Variants in SLC17A1 observed in about 807,000 individuals in gnomAD.
SLC17A1 encodes the protein solute carrier family 17 member 1.
A neutral mutation model predicts 53.5 loss-of-function variants in SLC17A1; 51 were observed. The ratio of observed to expected loss-of-function variants is 0.95; its 90% CI spans 0.76 to 1.20. SLC17A1 has a LOEUF of 1.20. SLC17A1 is among the 50% of genes most tolerant of loss of function. The pLI, the probability that SLC17A1 is intolerant of heterozygous loss-of-function variation, is 0.00. For synonymous variants in SLC17A1, 179 were observed against 198.8 expected (o/e 0.90, Z 0.84); for missense variants, 538 against 568.2 (o/e 0.95, Z 0.54).
At chr6:25,739,195 C>T in the SLC17A1 span, among the ~76,000 whole-genome samples, 1 of 152,186 alleles carries the variant, frequency 6.6e-6, no homozygotes, top group East Asian at 1.9e-4. Flanking sequence ...CAGATCTGAT[C>T]TCTAGTGAGG....
chr6:25,726,407 C>A, the SLC17A1 span: 1 of 1,614,212 alleles, frequency 6.2e-7, no homozygotes. Flanking sequence ...ATCCGCTCTG[C>A]ATAGTTTCCC....
rs572627898 is a variant in SLC17A1 at position 25,805,660 on chromosome 6, A to G, written c.1179-4680T>C. On this transcript the variant is annotated intron_variant, in intron 10 of 12. Coordinates refer to ENST00000244527, the MANE Select transcript of SLC17A1 (RefSeq NM_005074.5). ...AAAGAGGAGAGAAGATTCAAATAAA[A>G]CACAATTAGAAATGAAATTGGAGAC... 2.6e-5 allele frequency among the ~76,000 whole-genome samples: 4 copies of G among 152,136 alleles called. No individual in the cohort carries two copies. The South Asian group carries it at 8.3e-4, about 32-fold the overall frequency.
the SLC17A1 span, among the ~76,000 whole-genome samples, chr6:25,748,564 C>T: frequency 6.6e-6 from 1 of 152,156 alleles, no homozygotes; most frequent in East Asian, 1.9e-4. Context: ...ATAAGACACA[C>T]AGACAAAGTA....
At chr6:25,786,495 G>A (rs1011465050) in intron 12 of SLC17A1, among the ~76,000 whole-genome samples, 1 of 152,162 alleles carries the variant, frequency 6.6e-6, no homozygotes, top group African/African-American at 2.4e-5. Flanking sequence ...TTAGATGCAG[G>A]TCACAGAGGA....
Position 25,787,068 on chromosome 6 carries a change from A to ATAAG in SLC17A1, c.*3-3851_*3-3850insCTTA, listed in dbSNP as rs1186960558. Among the ~76,000 whole-genome samples, 18 of 151,690 alleles carry ATAAG rather than the reference A, an allele frequency of 1.2e-4. 1 individual carries two copies. In the South Asian group the frequency reaches 3.8e-3, roughly 32 times the overall value. ...AATAAATAAATAAATAAATAAATAA[A>ATAAG]TAAATAAGAGTGTGGGGTATAGTGG... is the stretch of plus-strand genomic sequence containing the variant. On this transcript the variant is annotated intron_variant, in intron 12 of 12. Transcript: ENST00000244527.
At chr6:25,829,126 T>C (rs960867103) in intron 2 of SLC17A1, among the ~76,000 whole-genome samples, 2 of 152,164 alleles carry the variant, frequency 1.3e-5, no homozygotes, top group African/African-American at 4.8e-5. Flanking sequence ...AAGTTGGGCC[T>C]TGAAGTCAGA....
chr6:25,798,949 A>G (rs1367977064), intron 11 of SLC17A1, 30 bp from the exon 12 acceptor site: 2 of 1,523,658 alleles, frequency 1.3e-6, no homozygotes, highest in African/African-American at 2.7e-5. Context: ...AGTAATTGTA[A>G]ATTATTGCTC....
At chr6:25,727,391 C>T in the SLC17A1 span, 13 of 1,096,692 alleles carry the variant, frequency 1.2e-5, no homozygotes, top group South Asian at 1.8e-5. Context: ...TAGTTTCTAA[C>T]CGTAAGGGTT....
chr6:25,813,984 T>C (rs754149181), intron 6 of SLC17A1, among the ~76,000 whole-genome samples: 5 of 152,274 alleles, frequency 3.3e-5, no homozygotes, highest in Admixed American at 6.5e-5. Flanking sequence ...CAGTCTATCA[T>C]TGATGGGCAT....
chr6:25,813,789 C>T (rs148487853), intron 6 of SLC17A1, among the ~76,000 whole-genome samples: 67 of 152,254 alleles, frequency 4.4e-4, no homozygotes, highest in African/African-American at 1.4e-3. Flanking sequence ...TACGTGTTCA[C>T]GTGTTCTCAT....
the SLC17A1 span, among the ~76,000 whole-genome samples, chr6:25,766,392 T>A: frequency 6.6e-6 from 1 of 152,164 alleles, no homozygotes; most frequent in Non-Finnish European, 1.5e-5. Flanking sequence ...TTCCAAATAG[T>A]TCATATAGCA....
At chr6:25,730,849 T>C in the SLC17A1 span, among the ~76,000 whole-genome samples, 7 of 152,154 alleles carry the variant, frequency 4.6e-5, no homozygotes. Context: ...TGTGAGATCA[T>C]GAGTATGCAG....
chr6:25,803,392 C>T (rs992061729), intron 10 of SLC17A1, among the ~76,000 whole-genome samples: 1 of 151,666 alleles, frequency 6.6e-6, no homozygotes, highest in Non-Finnish European at 1.5e-5. Context: ...CCTGTCTACC[C>T]CAAGGCCACT....
chr6:25,773,087 G>T, the SLC17A1 span, among the ~76,000 whole-genome samples: 1 of 152,342 alleles, frequency 6.6e-6, no homozygotes, highest in Non-Finnish European at 1.5e-5. Context: ...AAAGCAAGTT[G>T]TATGGCCAAG....
At chr6:25,808,867 G>A (rs1764050434) in intron 10 of SLC17A1, among the ~76,000 whole-genome samples, 1 of 152,016 alleles carries the variant, frequency 6.6e-6, no homozygotes, top group African/African-American at 2.4e-5. Flanking sequence ...ACCACAAATA[G>A]AACTACCATT....
At chr6:25,730,342 G>T in the SLC17A1 span, among the ~76,000 whole-genome samples, 2 of 152,158 alleles carry the variant, frequency 1.3e-5, no homozygotes, top group African/African-American at 4.8e-5. Context: ...AAAAGAAAAA[G>T]AATTCTGTCA....
Position 25,817,001 on chromosome 6 carries a change from C to T in SLC17A1, c.616+2067G>A, listed in dbSNP as rs1185239936. 1.9e-4 allele frequency among the ~76,000 whole-genome samples: 29 copies of T among 152,120 alleles called. 1 individual carries two copies. Among genetic ancestry groups the T allele is most frequent in the Non-Finnish European group, 1.5e-4 (10 of 68,026 alleles). ...TAGCTGGGATTATAGGTGCCTGCCA[C>T]CACGCCCAGCTAATTTTTTGTATTT... On this transcript the variant is annotated intron_variant, in intron 6 of 12. Transcript: ENST00000244527.
the SLC17A1 span, among the ~76,000 whole-genome samples, chr6:25,724,237 A>G: frequency 6.6e-6 from 1 of 152,222 alleles, no homozygotes; most frequent in African/African-American, 2.4e-5. Context: ...CAGCCTGGCC[A>G]ACATGGCGAA....
chr6:25,752,712 C>A, the SLC17A1 span, among the ~76,000 whole-genome samples: 1 of 151,994 alleles, frequency 6.6e-6, no homozygotes, highest in Non-Finnish European at 1.5e-5. Flanking sequence ...CAGCACTTTG[C>A]GAGGCTGAGG....
Sources: allele counts gnomAD v4.1 joint callset (sites outside exome capture counted in the v4.1 genomes callset), GRCh38; gene constraint gnomAD v4.1.1; transcripts MANE v1.5; gene names NCBI Gene and HGNC (gene_info 2026-07-23, HGNC 2026-07-21).